MAN1A1: variants seen among roughly 807,000 people sequenced by gnomAD.
MAN1A1 encodes the protein mannosidase alpha class 1A member 1.
MAN1A1 carries 29 observed loss-of-function variants against 70.8 expected under a neutral mutation model. That is an observed-to-expected ratio of 0.41 (90% CI 0.31 to 0.56). The LOEUF is 0.56. Ranked by LOEUF, MAN1A1 falls within the 20% of genes least tolerant of loss-of-function variation. The pLI is 0.29. For synonymous variants in MAN1A1, 349 were observed against 330.1 expected (o/e 1.06, Z -0.62); for missense variants, 747 against 841.3 (o/e 0.89, Z 1.39).
intron 2 of MAN1A1, among the ~76,000 whole-genome samples, chr6:119,329,539 C>T (rs1773247475): frequency 6.6e-6 from 1 of 151,804 alleles, no homozygotes; most frequent in Admixed American, 6.6e-5. Context: ...CTCAAAAAAG[C>T]ACTTGGGAAC....
chr6:119,246,065 A>C (rs903249450), intron 6 of MAN1A1, among the ~76,000 whole-genome samples: 2 of 152,214 alleles, frequency 1.3e-5, no homozygotes, highest in African/African-American at 4.8e-5. Context: ...GTTGGAAATA[A>C]ACAGTAAAGT....
At chr6:119,306,584 G>C (rs1405268098) in intron 3 of MAN1A1, among the ~76,000 whole-genome samples, 1 of 152,162 alleles carries the variant, frequency 6.6e-6, no homozygotes, top group African/African-American at 2.4e-5. Context: ...TTCTATGCTA[G>C]GAATCACCCC....
At chr6:119,213,419 A>G (rs1414140058) in intron 6 of MAN1A1, among the ~76,000 whole-genome samples, 1 of 152,234 alleles carries the variant, frequency 6.6e-6, no homozygotes, top group Non-Finnish European at 1.5e-5. Flanking sequence ...AGATTAAAGA[A>G]AAAGACAAAA....
intron 6 of MAN1A1, among the ~76,000 whole-genome samples, chr6:119,246,757 G>GAC: frequency 6.6e-6 from 1 of 152,208 alleles, no homozygotes; most frequent in East Asian, 1.9e-4. Context: ...AAGAAAGAAG[G>GAC]TCTACAGGAG....
intron 7 of MAN1A1, among the ~76,000 whole-genome samples, chr6:119,204,186 C>T (rs537796762): frequency 6.6e-6 from 1 of 152,272 alleles, no homozygotes; most frequent in South Asian, 2.1e-4. Flanking sequence ...GTTGTGCTCA[C>T]TGGTCACTGT....
At chr6:119,202,294 A>T (rs553810389) in intron 7 of MAN1A1, among the ~76,000 whole-genome samples, 11 of 152,270 alleles carry the variant, frequency 7.2e-5, no homozygotes, top group African/African-American at 2.4e-4. Context: ...ACTAAGACAC[A>T]TATACACATT....
At position 119,204,979 on chromosome 6, in the gene MAN1A1, G is replaced by C. The variant is rs1773819902; in HGVS notation, c.993-97C>G. ...TGAAATAGACAGCTTTTAAAAAAAG[G>C]CATCCTAGCTAATAGTCCACTCTAG... On this transcript the variant is annotated intron_variant, in intron 6 of 12. Transcript: ENST00000368468. The C allele has an allele frequency of 3.1e-6, 4 of 1,285,270 alleles. No homozygotes were observed. The South Asian group carries it at 5.8e-5, about 19-fold the overall frequency. The allele number at this position is 1,285,270 out of a possible 1,614,324, so 79.6% of individuals were successfully genotyped here. A position where few individuals can be genotyped will look rare whatever the true frequency, so the allele number is the denominator to read the frequency against.
chr6:119,263,550 T>C (rs1453314517), intron 5 of MAN1A1, among the ~76,000 whole-genome samples: 1 of 152,154 alleles, frequency 6.6e-6, no homozygotes, highest in East Asian at 1.9e-4. Context: ...ACCTATTGGG[T>C]ACTATGCTTA....
chr6:119,252,967 A>T (rs1400045778), intron 5 of MAN1A1, among the ~76,000 whole-genome samples: 2 of 152,030 alleles, frequency 1.3e-5, no homozygotes, highest in East Asian at 3.9e-4. Flanking sequence ...TTCTATGGTC[A>T]TTTTGCATTT....
chr6:119,216,667 A>T (rs1201240628), intron 6 of MAN1A1, among the ~76,000 whole-genome samples: 3 of 152,208 alleles, frequency 2.0e-5, no homozygotes, highest in Admixed American at 1.3e-4. Flanking sequence ...AATTTGTTCA[A>T]TTTGAGGAAC....
chr6:119,199,871 T>C (rs2114943938), intron 8 of MAN1A1, among the ~76,000 whole-genome samples: 1 of 151,802 alleles, frequency 6.6e-6, no homozygotes, highest in East Asian at 1.9e-4. Context: ...GAGGTTGCAA[T>C]GAGCTGAGAT....
At chr6:119,273,777 T>C (rs973062888) in intron 5 of MAN1A1, among the ~76,000 whole-genome samples, 3 of 152,164 alleles carry the variant, frequency 2.0e-5, no homozygotes, top group Admixed American at 2.0e-4. Flanking sequence ...GGTATTAACA[T>C]GATTTTCTGT....
intron 2 of MAN1A1, among the ~76,000 whole-genome samples, chr6:119,309,187 A>G (rs1772633939): frequency 6.6e-6 from 1 of 152,228 alleles, no homozygotes; most frequent in Non-Finnish European, 1.5e-5. Flanking sequence ...TTGTTAACCA[A>G]TTCCACCAGC....
At chr6:119,185,337 C>A (rs1159683166) in intron 11 of MAN1A1, among the ~76,000 whole-genome samples, 1 of 152,132 alleles carries the variant, frequency 6.6e-6, no homozygotes, top group Admixed American at 6.5e-5. Context: ...GGATTATATA[C>A]CTTTTCACAT....
At chr6:119,181,404 G>A (rs1458524630) in intron 11 of MAN1A1, among the ~76,000 whole-genome samples, 3 of 150,912 alleles carry the variant, frequency 2.0e-5, no homozygotes, top group African/African-American at 7.3e-5. Flanking sequence ...AGAAGAAAAT[G>A]AAAGACAGTG....
At chr6:119,222,461 G>A (rs1774392391) in intron 6 of MAN1A1, among the ~76,000 whole-genome samples, 4 of 151,348 alleles carry the variant, frequency 2.6e-5, no homozygotes, top group Admixed American at 2.6e-4. Context: ...CAAGTAGCTG[G>A]GACTACAGGC....
chr6:119,201,289 T>C lies in MAN1A1; in HGVS notation c.1175A>G (p.Asn392Ser). 1 of 1,613,668 alleles carries C rather than the reference T, an allele frequency of 6.2e-7. No individual in the cohort carries two copies. The highest frequency in any genetic ancestry group is 8.5e-7 in the Non-Finnish European group (1 of 1,179,572). ...CTGTCCACTACTGGGATTCAGATAG[T>C]TAGGATAAAGGCCTTGTGGTTTTTC... Reference protein sequence around the residue: ...KLEKPQGLYPNYLNPSSGQWG... With the variant: ...KLEKPQGLYPSYLNPSSGQWG... The change falls in exon 8 of 13, where the codon AAC becomes AGC. Residue 392 changes from asparagine to serine, a missense_variant. By Grantham distance (46) the Asn-to-Ser change is conservative. Around this residue, in one of 2 missense-constraint regions of MAN1A1, gnomAD observed 419 missense variants for 548.2 expected, o/e 0.76. Transcript: ENST00000368468.
rs187638509 is a variant in MAN1A1 at position 119,337,451 on chromosome 6, G to A, written c.603+11012C>T. On this transcript the variant is annotated intron_variant, in intron 2 of 12. Transcript: ENST00000368468. ...TATTCATTCAACAAATACATACTGGGCCCTATTATGGGCAGGGCCCAGAGC... is the reference window on the plus strand; with the variant it reads ...TATTCATTCAACAAATACATACTGGACCCTATTATGGGCAGGGCCCAGAGC... Among the ~76,000 whole-genome samples, 15 of 152,218 alleles carry A rather than the reference G, an allele frequency of 9.9e-5. No homozygotes were observed. In the East Asian group the frequency reaches 2.9e-3, roughly 29 times the overall value.
Position 119,348,856 on chromosome 6 carries a change from G to A in MAN1A1, c.210C>T (p.Ser70=). 5 of 1,524,178 alleles carry A rather than the reference G, an allele frequency of 3.3e-6. No homozygotes were observed. Among genetic ancestry groups the A allele is most frequent in the Admixed American group, 2.1e-5 (1 of 47,930 alleles). The allele number at this position is 1,524,178 out of a possible 1,614,324, so 94.4% of individuals were successfully genotyped here. A position where few individuals can be genotyped will look rare whatever the true frequency, so the allele number is the denominator to read the frequency against. The change falls in exon 2 of 13, where the codon AGC becomes AGT. Residue 70 remains serine, a synonymous_variant. Coordinates refer to ENST00000368468, the MANE Select transcript of MAN1A1 (RefSeq NM_005907.4). The part of the protein sequence containing the change: ...FFLPDSSKLL[S]GVLFHSSPAL... ...CGGGGCTGGAGTGGAACAGGACCCC[G>A]CTGAGCAGCTTGGAGGAGTCTGGCA...
Sources: allele counts gnomAD v4.1 joint callset (sites outside exome capture counted in the v4.1 genomes callset), GRCh38; gene constraint gnomAD v4.1.1; regional missense constraint gnomAD v4.1.1; transcripts MANE v1.5; gene names NCBI Gene and HGNC (gene_info 2026-07-23, HGNC 2026-07-21).